Variants in DIXDC1 observed in about 807,000 individuals in gnomAD.
DIXDC1 encodes the protein DIX domain containing 1, also known as dixin.
In DIXDC1, 64 loss-of-function variants were observed where a neutral mutation model predicts 103.1. The observed-to-expected ratio is 0.62, with a 90% CI of 0.51 to 0.76. The LOEUF is 0.76. DIXDC1 is among the 30% of genes least tolerant of loss of function. The probability of loss-of-function intolerance (pLI) is 0.00; values close to 1 mark genes in which losing one functional copy is unlikely to be tolerated. For missense variants in DIXDC1, 759 were observed against 834.2 expected, an observed-to-expected ratio of 0.91 and a Z score of 1.11; for synonymous variants, 266 against 298.5, an observed-to-expected ratio of 0.89 and a Z score of 1.12.
chr11:111,995,346 C>G lies in DIXDC1; in HGVS notation c.1528-57C>G, dbSNP rs782778033. On this transcript the variant is annotated intron_variant, in intron 15 of 19. Transcript: ENST00000440460. ...ACTTCTCTCCTATATCCTTTTAAGC[C>G]CAGTGGTTGGGAAGTGGCACCGTGC... 4 of 1,597,826 alleles carry G rather than the reference C, an allele frequency of 2.5e-6. No homozygotes were observed. In the Admixed American group the frequency reaches 6.7e-5, roughly 27 times the overall value.
chr11:111,947,259 A>G (rs1406704034), intron 1 of DIXDC1, among the ~76,000 whole-genome samples: 1 of 152,184 alleles, frequency 6.6e-6, no homozygotes, highest in Non-Finnish European at 1.5e-5. Flanking sequence ...ACAAGTTATA[A>G]TTTTAAAAAA....
At chr11:111,983,279 C>T (rs1314448979) in intron 7 of DIXDC1, among the ~76,000 whole-genome samples, 10 of 152,188 alleles carry the variant, frequency 6.6e-5, no homozygotes, top group Non-Finnish European at 1.2e-4. Context: ...CTCTGGCAGC[C>T]GGCAGGCGGT....
chr11:111,985,223 G>T lies in DIXDC1; in HGVS notation c.919-9G>T. 6.2e-7 allele frequency: 1 copy of T among 1,611,064 alleles called. No homozygotes were observed. Among genetic ancestry groups the T allele is most frequent in the Non-Finnish European group, 8.5e-7 (1 of 1,177,936 alleles). On this transcript the variant is annotated splice_polypyrimidine_tract_variant and intron_variant, in intron 7 of 19. Coordinates refer to ENST00000440460, the MANE Select transcript of DIXDC1 (RefSeq NM_001037954.4). ...AGTTAAGTTTCTTTCTGCCTTTGTG[G>T]TTATTCAGGCCTTACTGCTCAATGG...
chr11:111,928,015 CAA>C (rs782156043), intron 1 of DIXDC1, among the ~76,000 whole-genome samples: 257 of 68,746 alleles, frequency 3.7e-3, no homozygotes, highest in South Asian at 0.014. Flanking sequence ...GACTCCATCT[CAA>C]AAAAAAAAAA....
upstream of DIXDC1, among the ~76,000 whole-genome samples, chr11:111,936,962 C>A (rs1449516069): frequency 6.6e-6 from 1 of 151,012 alleles, no homozygotes; most frequent in Non-Finnish European, 1.5e-5. Flanking sequence ...CATGCATACG[C>A]CAGCCGGGCC....
intron 17 of DIXDC1, among the ~76,000 whole-genome samples, chr11:112,008,002 T>C (rs1861290907): frequency 6.6e-6 from 1 of 151,744 alleles, no homozygotes; most frequent in Non-Finnish European, 1.5e-5. Flanking sequence ...CAATGAAAAG[T>C]GACAGACTGG....
At chr11:112,010,962 T>TA (rs1861398885) in intron 17 of DIXDC1, among the ~76,000 whole-genome samples, 1 of 152,112 alleles carries the variant, frequency 6.6e-6, no homozygotes, top group African/African-American at 2.4e-5. Context: ...GGGATCTAAT[T>TA]AAACTAAAGA....
In DIXDC1 at chr11:111,977,421, A is replaced by T. The variant is rs1365271360; in HGVS notation, c.656+2438A>T. ...GGTTGAGATGCCCCCGCCAGGGGGG[A>T]TGCCCGGCACCGTGCGTCCGCGGAG... is the stretch of plus-strand genomic sequence containing the variant. On this transcript the variant is annotated intron_variant, in intron 5 of 19. Coordinates refer to ENST00000440460, the MANE Select transcript of DIXDC1 (RefSeq NM_001037954.4). The surrounding 1 kb of genome is among the most constrained non-coding windows in gnomAD (Gnocchi z 6.1). 11 of 1,171,830 alleles carry T rather than the reference A, an allele frequency of 9.4e-6. No individual in the cohort carries two copies. In the Admixed American group the frequency reaches 2.5e-4, roughly 27 times the overall value. The allele number at this position is 1,171,830 out of a possible 1,614,324, so 72.6% of individuals were successfully genotyped here.
intron 17 of DIXDC1, among the ~76,000 whole-genome samples, chr11:112,001,369 A>G (rs1388260084): frequency 1.3e-5 from 2 of 152,202 alleles, no homozygotes; most frequent in East Asian, 3.8e-4. Flanking sequence ...AGTGTTCTGG[A>G]ACTGGATAAT....
chr11:111,955,656 G>A (rs1966901346), intron 1 of DIXDC1, among the ~76,000 whole-genome samples: 1 of 151,086 alleles, frequency 6.6e-6, no homozygotes, highest in South Asian at 2.1e-4. Flanking sequence ...CCAACATGGT[G>A]AAACCCCATC....
chr11:112,002,004 G>A (rs1301182552), intron 17 of DIXDC1, among the ~76,000 whole-genome samples: 1 of 151,950 alleles, frequency 6.6e-6, no homozygotes, highest in African/African-American at 2.4e-5. Context: ...TGATCTGCCC[G>A]CCTCGGCCTC....
chr11:112,004,189 A>C (rs1861164615), intron 17 of DIXDC1, among the ~76,000 whole-genome samples: 1 of 151,882 alleles, frequency 6.6e-6, no homozygotes, highest in African/African-American at 2.4e-5. Context: ...GTATCAATTT[A>C]AAAATTAATA....
chr11:112,001,593 T>A (rs1372803014), intron 17 of DIXDC1, among the ~76,000 whole-genome samples: 1 of 152,122 alleles, frequency 6.6e-6, no homozygotes, highest in Non-Finnish European at 1.5e-5. Context: ...AAATCGTAAC[T>A]TTCTTGAACC....
chr11:111,931,598 G>A (rs782682563), intron 2 of DIXDC1, among the ~76,000 whole-genome samples: 52 of 152,106 alleles, frequency 3.4e-4, no homozygotes, highest in Non-Finnish European at 4.3e-4. Context: ...AGCTGAGATC[G>A]TGCCAATGCA....
At chr11:111,949,555 C>T (rs372096550) in intron 1 of DIXDC1, among the ~76,000 whole-genome samples, 1 of 152,202 alleles carries the variant, frequency 6.6e-6, no homozygotes, top group Non-Finnish European at 1.5e-5. Flanking sequence ...TCCTCGTTGG[C>T]TTCTTCAATC....
At chr11:111,930,632 T>A (rs1469699634) in intron 2 of DIXDC1, among the ~76,000 whole-genome samples, 3 of 152,158 alleles carry the variant, frequency 2.0e-5, no homozygotes, top group Admixed American at 2.0e-4. Context: ...TCTTAACCAC[T>A]TCTCTGTTGT....
At chr11:111,993,290 A>C (rs1347545931) in intron 12 of DIXDC1, among the ~76,000 whole-genome samples, 4 of 152,112 alleles carry the variant, frequency 2.6e-5, no homozygotes, top group Admixed American at 6.5e-5. Flanking sequence ...CCTCCTACAA[A>C]TGCCAGTTCC....
At chr11:111,986,713 A>G (rs1555173884) in intron 8 of DIXDC1, among the ~76,000 whole-genome samples, 158 bp from the exon 9 acceptor site, 4 of 151,970 alleles carry the variant, frequency 2.6e-5, no homozygotes. Context: ...TTGCTACTTG[A>G]TGCATATACT....
At chr11:111,931,838 C>T (rs1386019467) in intron 2 of DIXDC1, among the ~76,000 whole-genome samples, 4 of 152,066 alleles carry the variant, frequency 2.6e-5, no homozygotes, top group Admixed American at 2.0e-4. Context: ...TTGAATCTTG[C>T]AGAAAGATGA....
Sources: allele counts gnomAD v4.1 joint callset (sites outside exome capture counted in the v4.1 genomes callset), GRCh38; gene constraint gnomAD v4.1.1; non-coding constraint Gnocchi (gnomAD v3.1); transcripts MANE v1.5; gene names NCBI Gene and HGNC (gene_info 2026-07-23, HGNC 2026-07-21).